The following GRM8 variants were observed in gnomAD, a reference collection of about 807,000 sequenced individuals.
GRM8 encodes the protein metabotropic glutamate receptor 8.
Under a neutral mutation model 87.2 loss-of-function variants are expected in GRM8, and 47 were observed. The ratio of observed to expected loss-of-function variants is 0.54; its 90% CI spans 0.43 to 0.69. The LOEUF is 0.69. GRM8 is among the 30% of genes least tolerant of loss of function. GRM8 has a pLI of 0.00. For synonymous variants in GRM8, 396 were observed against 404.5 expected (o/e 0.98, Z 0.25); for missense variants, 1,019 against 1,139.2 (o/e 0.89, Z 1.52).
At chr7:127,113,132 C>G (rs1048790891) in intron 2 of GRM8, among the ~76,000 whole-genome samples, 2 of 152,124 alleles carry the variant, frequency 1.3e-5, no homozygotes. Context: ...CTTTTTGTGG[C>G]CCAAGGAAGA....
chr7:126,977,374 A>G (rs1383136273), intron 3 of GRM8, among the ~76,000 whole-genome samples: 3 of 152,186 alleles, frequency 2.0e-5, no homozygotes, highest in Non-Finnish European at 4.4e-5. Flanking sequence ...CTGAATATTC[A>G]GTTTGTTTCT....
intron 3 of GRM8, among the ~76,000 whole-genome samples, chr7:127,007,688 T>C (rs1319714421): frequency 6.6e-6 from 1 of 152,110 alleles, no homozygotes; most frequent in Non-Finnish European, 1.5e-5. Flanking sequence ...ACCTGGCTTT[T>C]ATAAAGATGC....
chr7:127,162,051 G>A (rs925281742), intron 2 of GRM8, among the ~76,000 whole-genome samples: 2 of 152,184 alleles, frequency 1.3e-5, no homozygotes, highest in African/African-American at 4.8e-5. Flanking sequence ...CTGTCAAGAT[G>A]TGTGATCCTT....
At chr7:127,035,625 C>A (rs949578262) in intron 3 of GRM8, among the ~76,000 whole-genome samples, 2 of 152,188 alleles carry the variant, frequency 1.3e-5, no homozygotes, top group African/African-American at 4.8e-5. Flanking sequence ...CCACCTTCAG[C>A]ACAGTGATGA....
chr7:126,916,344 C>T (rs542724094), intron 3 of GRM8, among the ~76,000 whole-genome samples: 22 of 152,168 alleles, frequency 1.4e-4, no homozygotes, highest in East Asian at 1.2e-3. Flanking sequence ...GTGACAAATA[C>T]GTGAATAAAT....
intron 7 of GRM8, among the ~76,000 whole-genome samples, chr7:126,695,889 T>C (rs1212255057): frequency 6.6e-6 from 1 of 151,876 alleles, no homozygotes; most frequent in Non-Finnish European, 1.5e-5. Flanking sequence ...AGGAAAGAAA[T>C]GAGGAGGGTC....
intron 7 of GRM8, among the ~76,000 whole-genome samples, chr7:126,633,422 T>C (rs968548417): frequency 1.3e-5 from 2 of 152,136 alleles, no homozygotes; most frequent in African/African-American, 4.8e-5. Context: ...TGTTCAACAA[T>C]TGATGAGCGC....
chr7:126,604,653 A>C (rs1221592720), intron 8 of GRM8, among the ~76,000 whole-genome samples: 3 of 152,156 alleles, frequency 2.0e-5, no homozygotes, highest in Admixed American at 1.3e-4. Flanking sequence ...TATACAGCTC[A>C]TGAATGAAAG....
chr7:126,992,821 GTGTGTGTA>G (rs1157495986), intron 3 of GRM8, among the ~76,000 whole-genome samples: 7 of 150,776 alleles, frequency 4.6e-5, no homozygotes, highest in African/African-American at 1.7e-4. Flanking sequence ...GTGTGTGTGT[GTGTGTGTA>G]TGTGTGTGTG....
intron 6 of GRM8, among the ~76,000 whole-genome samples, chr7:126,799,251 C>T (rs1822360654): frequency 6.6e-6 from 1 of 152,088 alleles, no homozygotes. Context: ...CTTGAACACA[C>T]TGATAATTGG....
intron 2 of GRM8, among the ~76,000 whole-genome samples, chr7:127,121,525 A>G (rs1333897742): frequency 6.6e-6 from 1 of 152,110 alleles, no homozygotes; most frequent in African/African-American, 2.4e-5. Flanking sequence ...CTGTACCTAT[A>G]TTAGTCCACT....
intron 3 of GRM8, among the ~76,000 whole-genome samples, chr7:127,045,743 T>A: frequency 6.6e-6 from 1 of 152,232 alleles, no homozygotes; most frequent in Non-Finnish European, 1.5e-5. Context: ...GTTCTCTCTA[T>A]TTGTCTATCC....
At chr7:126,544,459 C>T (rs1816900469) in intron 8 of GRM8, among the ~76,000 whole-genome samples, 1 of 152,048 alleles carries the variant, frequency 6.6e-6, no homozygotes, top group Non-Finnish European at 1.5e-5. Flanking sequence ...CCGCATACCT[C>T]ACAAGGATGT....
chr7:126,491,914 G>GGC (rs1354904259), intron 9 of GRM8, among the ~76,000 whole-genome samples: 1 of 151,854 alleles, frequency 6.6e-6, no homozygotes, highest in African/African-American at 2.4e-5. Flanking sequence ...TCATTTATTT[G>GGC]TTTGAATCAG....
At chr7:127,004,735 A>T (rs766474297) in intron 3 of GRM8, among the ~76,000 whole-genome samples, 2 of 151,706 alleles carry the variant, frequency 1.3e-5, no homozygotes, top group African/African-American at 2.4e-5. Flanking sequence ...CCAGAATCGT[A>T]ACCTTCAAAA....
At chr7:126,880,731 C>T (rs906811983) in intron 6 of GRM8, among the ~76,000 whole-genome samples, 4 of 152,196 alleles carry the variant, frequency 2.6e-5, no homozygotes, top group African/African-American at 2.4e-5. Context: ...ACTTTGTGAA[C>T]TTGCCTCCAA....
chr7:126,928,552 G>A (rs542891816), intron 3 of GRM8, among the ~76,000 whole-genome samples: 8 of 151,890 alleles, frequency 5.3e-5, no homozygotes, highest in African/African-American at 1.9e-4. Context: ...TGCACCTGTA[G>A]TACCAGACAC....
At position 126,893,356 on chromosome 7, in the gene GRM8, T is replaced by A. The variant is rs377169058; in HGVS notation, c.1156+9186A>T. On this transcript the variant is annotated intron_variant, in intron 6 of 10. Coordinates refer to ENST00000339582, the MANE Select transcript of GRM8 (RefSeq NM_000845.3). ...AATCATATTCCCATTTAAATTAGCA[T>A]CGCAGTCAGGAATTTAAAGACAAAC... Among the ~76,000 whole-genome samples, 4 of 152,170 alleles carry A rather than the reference T, an allele frequency of 2.6e-5. No homozygotes were observed. The East Asian group carries it at 7.7e-4, about 29-fold the overall frequency.
At chr7:126,582,454 G>T (rs1034667598) in intron 8 of GRM8, among the ~76,000 whole-genome samples, 14 of 152,152 alleles carry the variant, frequency 9.2e-5, no homozygotes, top group Admixed American at 2.6e-4. Context: ...GCAAGGTGAT[G>T]TAGCAAGTAC....
Sources: allele counts gnomAD v4.1 joint callset (sites outside exome capture counted in the v4.1 genomes callset), GRCh38; gene constraint gnomAD v4.1.1; transcripts MANE v1.5; gene names NCBI Gene and HGNC (gene_info 2026-07-23, HGNC 2026-07-21).